ATRNL1: variants seen among roughly 807,000 people sequenced by gnomAD.
ATRNL1 encodes the protein attractin like 1, also known as attractin-like protein 1.
ATRNL1 carries 95 observed loss-of-function variants against 182.7 expected under a neutral mutation model. That is an observed-to-expected ratio of 0.52 (90% CI 0.44 to 0.62). The LOEUF is 0.62. Among genes scored for constraint, ATRNL1 ranks in the 20% least tolerant of loss-of-function variants. The pLI, the probability that ATRNL1 is intolerant of heterozygous loss-of-function variation, is 0.00. For synonymous variants in ATRNL1, 576 were observed against 568.3 expected (o/e 1.01, Z -0.19); for missense variants, 1,471 against 1,679.5 (o/e 0.88, Z 2.17).
chr10:115,557,497 A>C (rs1249067674), intron 26 of ATRNL1, among the ~76,000 whole-genome samples: 1 of 152,220 alleles, frequency 6.6e-6, no homozygotes, highest in Non-Finnish European at 1.5e-5. Context: ...CTGTATAAAA[A>C]GGAACAGAGT....
intron 27 of ATRNL1, among the ~76,000 whole-genome samples, chr10:115,795,648 A>T (rs190258356): frequency 3.1e-4 from 47 of 152,264 alleles, no homozygotes; most frequent in African/African-American, 1.1e-3. Flanking sequence ...AAGGGGAAGC[A>T]AGTGCATCAT....
intron 9 of ATRNL1, among the ~76,000 whole-genome samples, chr10:115,226,099 A>T (rs1554898621): frequency 1.3e-5 from 2 of 151,818 alleles, no homozygotes; most frequent in African/African-American, 4.8e-5. Flanking sequence ...CAGCAAATAG[A>T]ATTCCACAGA....
intron 15 of ATRNL1, among the ~76,000 whole-genome samples, chr10:115,298,526 T>A: frequency 6.6e-6 from 1 of 152,118 alleles, no homozygotes; most frequent in Non-Finnish European, 1.5e-5. Context: ...AGAATTGCTG[T>A]CATGTGAAAC....
intron 28 of ATRNL1, among the ~76,000 whole-genome samples, chr10:115,865,341 C>T (rs1951415705): frequency 6.6e-6 from 1 of 152,074 alleles, no homozygotes; most frequent in Non-Finnish European, 1.5e-5. Context: ...TTGCAGTGTT[C>T]CTGCATGTCT....
rs115519354 is a variant in ATRNL1 at position 115,823,130 on chromosome 10, C to T, written c.3904-24747C>T. 8.3e-3 allele frequency among the ~76,000 whole-genome samples: 1,267 copies of T among 152,106 alleles called. 16 individuals are homozygous for T. Among genetic ancestry groups the T allele is most frequent in the African/African-American group, 0.029 (1,196 of 41,504 alleles). On this transcript the variant is annotated intron_variant, in intron 27 of 28. Coordinates refer to ENST00000355044, the MANE Select transcript of ATRNL1 (RefSeq NM_207303.4). The stretch of plus-strand genomic sequence containing the variant: ...TGGGCTGCAAGTCTGGTTCAACATA[C>T]GCTAATCAATAAAATCCATCACATA...
In ATRNL1 at chr10:115,147,396, A is replaced by G. The variant is rs1564773931; in HGVS notation, c.830-12644A>G. 2.0e-5 allele frequency among the ~76,000 whole-genome samples: 3 copies of G among 151,930 alleles called. No homozygotes were observed. The South Asian group carries it at 6.2e-4, about 32-fold the overall frequency. On this transcript the variant is annotated intron_variant, in intron 5 of 28. Coordinates refer to ENST00000355044, the MANE Select transcript of ATRNL1 (RefSeq NM_207303.4). ...CCTGTCAGTAACATAGTTTTCAAAT[A>G]TTTTCTCCCATCCTGCAGGTTGTCT... is the stretch of plus-strand genomic sequence containing the variant.
At chr10:115,476,038 T>C (rs1848514667) in intron 24 of ATRNL1, among the ~76,000 whole-genome samples, 1 of 151,334 alleles carries the variant, frequency 6.6e-6, no homozygotes, top group Non-Finnish European at 1.5e-5. Flanking sequence ...TTTTCTTTTT[T>C]CTGATATATA....
At chr10:115,373,580 A>G (rs1305531657) in intron 19 of ATRNL1, among the ~76,000 whole-genome samples, 2 of 152,026 alleles carry the variant, frequency 1.3e-5, no homozygotes, top group African/African-American at 4.8e-5. Context: ...AGAATGTTGT[A>G]TTCTGTCAAA....
intron 20 of ATRNL1, among the ~76,000 whole-genome samples, chr10:115,411,943 C>T (rs931855629): frequency 6.6e-6 from 1 of 152,120 alleles, no homozygotes; most frequent in Non-Finnish European, 1.5e-5. Context: ...CATTAATTAT[C>T]TATGACTTCT....
chr10:115,474,548 A>T (rs1848446733), intron 24 of ATRNL1, among the ~76,000 whole-genome samples: 1 of 150,916 alleles, frequency 6.6e-6, no homozygotes, highest in African/African-American at 2.4e-5. Flanking sequence ...GAGTTTAGGG[A>T]CTGTTGTGGG....
chr10:115,251,985 C>T (rs1850898564), intron 10 of ATRNL1, among the ~76,000 whole-genome samples: 1 of 152,146 alleles, frequency 6.6e-6, no homozygotes, highest in Non-Finnish European at 1.5e-5. Context: ...TACTCTCCCA[C>T]CTCCTGCCAA....
intron 19 of ATRNL1, among the ~76,000 whole-genome samples, chr10:115,358,097 G>T (rs528683399): frequency 6.6e-6 from 1 of 151,598 alleles, no homozygotes; most frequent in African/African-American, 2.4e-5. Context: ...CTTCTCTTGT[G>T]TTCTTGTTAG....
intron 27 of ATRNL1, among the ~76,000 whole-genome samples, chr10:115,779,050 C>G (rs1210956370): frequency 6.6e-6 from 1 of 152,054 alleles, no homozygotes; most frequent in African/African-American, 2.4e-5. Context: ...CTTAAATTCC[C>G]TAGAAACAGT....
chr10:115,309,081 T>C (rs1324479138), intron 17 of ATRNL1, among the ~76,000 whole-genome samples: 1 of 152,210 alleles, frequency 6.6e-6, no homozygotes, highest in Non-Finnish European at 1.5e-5. Flanking sequence ...TTTGGCTTTA[T>C]ATCTGGGTTC....
At chr10:115,856,450 A>AAAAAAAAAT (rs56927270) in intron 28 of ATRNL1, among the ~76,000 whole-genome samples, 1 of 147,424 alleles carries the variant, frequency 6.8e-6, no homozygotes, top group Non-Finnish European at 1.5e-5. Flanking sequence ...AAAAAAAAAA[A>AAAAAAAAAT]GCCATACATA....
chr10:115,847,360 T>C (rs1244312303), intron 27 of ATRNL1, among the ~76,000 whole-genome samples: 1 of 152,094 alleles, frequency 6.6e-6, no homozygotes, highest in East Asian at 1.9e-4. Context: ...GAGTGTATTT[T>C]AGGTGCTCTT....
At chr10:115,367,895 G>A (rs9420172) in intron 19 of ATRNL1, among the ~76,000 whole-genome samples, 21 of 149,554 alleles carry the variant, frequency 1.4e-4, no homozygotes, top group South Asian at 6.4e-4. Context: ...CTCCAGCTGC[G>A]TGCTGGGAGA....
At chr10:115,338,745 G>A (rs556280658) in intron 19 of ATRNL1, among the ~76,000 whole-genome samples, 1 of 152,202 alleles carries the variant, frequency 6.6e-6, no homozygotes, top group African/African-American at 2.4e-5. Context: ...AATCCCATTT[G>A]TCCGTTTTTG....
chr10:115,782,730 C>T (rs1407818597), intron 27 of ATRNL1, among the ~76,000 whole-genome samples: 6 of 152,184 alleles, frequency 3.9e-5, no homozygotes, highest in African/African-American at 1.4e-4. Context: ...CAATCTGTAA[C>T]TTAATAATAG....
Sources: allele counts gnomAD v4.1 joint callset (sites outside exome capture counted in the v4.1 genomes callset), GRCh38; gene constraint gnomAD v4.1.1; transcripts MANE v1.5; gene names NCBI Gene and HGNC (gene_info 2026-07-23, HGNC 2026-07-21).